The following GABRB1 variants were observed in gnomAD, a reference collection of about 807,000 sequenced individuals.
GABRB1 encodes the protein gamma-aminobutyric acid receptor subunit beta-1.
Under a neutral mutation model 51.6 loss-of-function variants are expected in GABRB1, and 17 were observed. The observed-to-expected ratio is 0.33, with a 90% confidence interval of 0.23 to 0.49. GABRB1 has a LOEUF of 0.49. Among genes scored for constraint, GABRB1 ranks in the 20% least tolerant of loss-of-function variants. The probability of loss-of-function intolerance (pLI) is 0.99; values close to 1 mark genes in which losing one functional copy is unlikely to be tolerated. For missense variants in GABRB1, 410 were observed against 600.6 expected (o/e 0.68, Z 3.32); for synonymous variants, 247 against 218.9 (o/e 1.13, Z -1.14).
At chr4:47,150,948 C>T (rs1468491767) in intron 3 of GABRB1, among the ~76,000 whole-genome samples, 1 of 151,808 alleles carries the variant, frequency 6.6e-6, no homozygotes, top group African/African-American at 2.4e-5. Flanking sequence ...AGGTGGTATA[C>T]AGAAGACAGA....
intron 3 of GABRB1, among the ~76,000 whole-genome samples, chr4:47,154,238 T>G (rs2109723718): frequency 6.7e-6 from 1 of 149,044 alleles, no homozygotes; most frequent in African/African-American, 2.5e-5. Flanking sequence ...AATGTCTTTG[T>G]CACATACAAA....
intron 4 of GABRB1, among the ~76,000 whole-genome samples, chr4:47,207,844 T>G (rs1560585636): frequency 6.6e-6 from 1 of 152,046 alleles, no homozygotes; most frequent in East Asian, 1.9e-4. Flanking sequence ...ATAGCATATA[T>G]TTGATCTAGA....
chr4:47,155,784 A>G (rs2109727127), intron 3 of GABRB1, among the ~76,000 whole-genome samples: 1 of 151,740 alleles, frequency 6.6e-6, no homozygotes, highest in Middle Eastern at 3.4e-3. Flanking sequence ...ATCTTATGTC[A>G]GACTTCCCTA....
At chr4:47,092,499 G>A (rs1728365879) in intron 3 of GABRB1, among the ~76,000 whole-genome samples, 1 of 151,652 alleles carries the variant, frequency 6.6e-6, no homozygotes, top group African/African-American at 2.4e-5. Context: ...AAAGGGCTTG[G>A]CACCTCTTAG....
intron 4 of GABRB1, among the ~76,000 whole-genome samples, chr4:47,214,495 T>A (rs1267011206): frequency 6.6e-6 from 1 of 152,176 alleles, no homozygotes; most frequent in East Asian, 1.9e-4. Flanking sequence ...CCACTCTCCT[T>A]GTGACTTTGT....
At chr4:47,146,510 A>T (rs1717176912) in intron 3 of GABRB1, among the ~76,000 whole-genome samples, 1 of 152,088 alleles carries the variant, frequency 6.6e-6, no homozygotes, top group African/African-American at 2.4e-5. Flanking sequence ...GACATTGCTC[A>T]TTTAGGATTC....
chr4:47,127,579 T>C (rs1421534014), intron 3 of GABRB1, among the ~76,000 whole-genome samples: 4 of 151,836 alleles, frequency 2.6e-5, no homozygotes, highest in South Asian at 2.1e-4. Context: ...ATTTGGCATG[T>C]AGTTTCTCTC....
At chr4:47,369,556 G>A (rs1727114049) in intron 5 of GABRB1, among the ~76,000 whole-genome samples, 1 of 152,012 alleles carries the variant, frequency 6.6e-6, no homozygotes, top group Non-Finnish European at 1.5e-5. Context: ...TAAGCCAACG[G>A]GCAAATCTAT....
At chr4:47,352,549 A>C (rs1726391658) in intron 5 of GABRB1, among the ~76,000 whole-genome samples, 1 of 152,188 alleles carries the variant, frequency 6.6e-6, no homozygotes, top group Admixed American at 6.5e-5. Flanking sequence ...CCAGCAGCAC[A>C]TCAAAAAGCT....
At position 47,107,762 on chromosome 4, in the gene GABRB1, A is replaced by C. The variant is rs941448905; in HGVS notation, c.241-53487A>C. Among the ~76,000 whole-genome samples the C allele has an allele frequency of 5.3e-5, 8 of 152,188 alleles. No homozygotes were observed. In the East Asian group the frequency reaches 1.5e-3, roughly 29 times the overall value. On this transcript the variant is annotated intron_variant, in intron 3 of 8. Coordinates refer to ENST00000295454, the MANE Select transcript of GABRB1 (RefSeq NM_000812.4). ...GGAAAATCAATCTGGAGAAAAAACA[A>C]AACAAAAGTTGCTCTTTATCAGCAA... is the stretch of plus-strand genomic sequence containing the variant.
intron 1 of GABRB1, among the ~76,000 whole-genome samples, chr4:46,997,741 CG>C (rs1163647198): frequency 6.6e-6 from 1 of 151,742 alleles, no homozygotes; most frequent in Non-Finnish European, 1.5e-5. Context: ...TATGCACACA[CG>C]TATATATATA....
chr4:47,364,107 C>A (rs1379139075), intron 5 of GABRB1, among the ~76,000 whole-genome samples: 1 of 152,184 alleles, frequency 6.6e-6, no homozygotes, highest in Non-Finnish European at 1.5e-5. Flanking sequence ...ATCAGAGACA[C>A]AATATAACAG....
At chr4:47,275,407 C>T (rs919194371) in intron 4 of GABRB1, among the ~76,000 whole-genome samples, 2 of 152,122 alleles carry the variant, frequency 1.3e-5, no homozygotes, top group Non-Finnish European at 2.9e-5. Flanking sequence ...CCTCATTCAG[C>T]TACTTACAAG....
In GABRB1 at chr4:47,336,666, A is replaced by G. The variant is rs577484332; in HGVS notation, c.544+16457A>G. Among the ~76,000 whole-genome samples, 24 of 152,326 alleles carry G rather than the reference A, an allele frequency of 1.6e-4. No individual in the cohort carries two copies. The South Asian group carries it at 2.9e-3, about 18-fold the overall frequency. ...AAATGTTCTAGAAAAAGAAGTGATC[A>G]CCTAGGACAAATGTCCCTGATAGTG... is the stretch of plus-strand genomic sequence containing the variant. On this transcript the variant is annotated intron_variant, in intron 5 of 8. Transcript: ENST00000295454.
At chr4:47,253,049 A>T (rs902110428) in intron 4 of GABRB1, among the ~76,000 whole-genome samples, 2 of 152,176 alleles carry the variant, frequency 1.3e-5, no homozygotes, top group African/African-American at 4.8e-5. Flanking sequence ...CATTAACCCC[A>T]TTTTACAAAG....
chr4:47,379,905 T>C (rs1178501731), intron 5 of GABRB1, among the ~76,000 whole-genome samples: 1 of 152,140 alleles, frequency 6.6e-6, no homozygotes, highest in Non-Finnish European at 1.5e-5. Context: ...AGTTCCCTAA[T>C]CACTAGAATG....
At chr4:47,170,582 G>A (rs543604291) in intron 4 of GABRB1, among the ~76,000 whole-genome samples, 3 of 152,038 alleles carry the variant, frequency 2.0e-5, no homozygotes, top group African/African-American at 7.2e-5. Context: ...AAAAGTCCTG[G>A]GCAGATCTCA....
chr4:47,087,697 G>T (rs777233814), intron 3 of GABRB1, among the ~76,000 whole-genome samples: 1 of 152,148 alleles, frequency 6.6e-6, no homozygotes, highest in Non-Finnish European at 1.5e-5. Context: ...CATTTTAGAA[G>T]TGTTTTGGAG....
intron 3 of GABRB1, among the ~76,000 whole-genome samples, chr4:47,107,535 A>G (rs1057510940): frequency 6.6e-6 from 1 of 152,106 alleles, no homozygotes; most frequent in African/African-American, 2.4e-5. Context: ...CAATTCTGCT[A>G]CTTTCTATAT....
Sources: allele counts gnomAD v4.1 joint callset (sites outside exome capture counted in the v4.1 genomes callset), GRCh38; gene constraint gnomAD v4.1.1; transcripts MANE v1.5; gene names NCBI Gene and HGNC (gene_info 2026-07-23, HGNC 2026-07-21).